Variants in CDH3 observed in about 807,000 individuals in gnomAD.
CDH3 encodes cadherin-3.
CDH3 carries 54 observed loss-of-function variants against 82.0 expected under a neutral mutation model. The observed-to-expected ratio is 0.66, with a 90% confidence interval of 0.53 to 0.83. CDH3 has a LOEUF of 0.83. Ranked by LOEUF, CDH3 falls within the 40% of genes least tolerant of loss-of-function variation. The probability of loss-of-function intolerance (pLI) is 0.00; values close to 1 mark genes in which losing one functional copy is unlikely to be tolerated. For missense variants in CDH3, 1,054 were observed against 1,084.6 expected (o/e 0.97, Z 0.40); for synonymous variants, 446 against 437.9 (o/e 1.02, Z -0.23).
At chr16:68,657,548 C>T (rs1960440393) in intron 2 of CDH3, among the ~76,000 whole-genome samples, 1 of 152,128 alleles carries the variant, frequency 6.6e-6, no homozygotes, top group Admixed American at 6.5e-5. Flanking sequence ...CCCTCGACCC[C>T]ATCTTTGAAC....
intron 6 of CDH3, 25 bp from the exon 7 acceptor site, chr16:68,679,774 A>AAAG: frequency 6.4e-7 from 1 of 1,570,474 alleles, no homozygotes; most frequent in South Asian, 1.1e-5. Context: ...ACTGGGAGGA[A>AAAG]AAGATACTCA....
At chr16:68,656,368 T>A (rs1429543148) in intron 2 of CDH3, among the ~76,000 whole-genome samples, 1 of 152,144 alleles carries the variant, frequency 6.6e-6, no homozygotes, top group Non-Finnish European at 1.5e-5. Flanking sequence ...CAGTTGCCTT[T>A]TTCTCATTTC....
At position 68,695,369 on chromosome 16, in the gene CDH3, G is replaced by C; in HGVS notation, c.2117G>C (p.Gly706Ala). The stretch of plus-strand genomic sequence containing the variant: ...GTCTTCTACTATGGCGAAGAGGGGG[G>C]TGGCGAAGAGGACCAGGTGGGGCAC... ...DNVFYYGEEG[G>A]GEEDQDYDIT... is the part of the protein sequence containing the mutation. Residue 706 changes from glycine (G) to alanine (A), a missense_variant, in exon 14 of 16, where the codon GGT (glycine) becomes GCT (alanine). Physicochemically the swap from Gly to Ala is moderately conservative, Grantham distance 60. Transcript: ENST00000264012. The C allele has an allele frequency of 1.9e-6, 3 of 1,612,424 alleles. No individual in the cohort carries two copies. The highest frequency in any genetic ancestry group is 2.5e-6 in the Non-Finnish European group (3 of 1,179,330).
chr16:68,715,021 A>G (rs928745322), intron 1 of CDH3, among the ~76,000 whole-genome samples: 1 of 151,794 alleles, frequency 6.6e-6, no homozygotes, highest in Non-Finnish European at 1.5e-5. Flanking sequence ...AATAAAAAGT[A>G]TCAGGACAAC....
intron 2 of CDH3, among the ~76,000 whole-genome samples, chr16:68,653,217 T>C (rs1231456427): frequency 6.6e-6 from 1 of 151,678 alleles, no homozygotes; most frequent in East Asian, 1.9e-4. Flanking sequence ...TTTTTATTTT[T>C]TAATTTTTCA....
chr16:68,718,248 C>G (rs1268166335), intron 1 of CDH3, among the ~76,000 whole-genome samples: 2 of 152,186 alleles, frequency 1.3e-5, no homozygotes, highest in Non-Finnish European at 2.9e-5. Context: ...AAGTGATCCT[C>G]CCACCTCAGC....
intron 12 of CDH3, among the ~76,000 whole-genome samples, chr16:68,689,096 A>G (rs1361634387): frequency 6.6e-6 from 1 of 152,236 alleles, no homozygotes. Context: ...TGTCAGGGAA[A>G]TTAATCTAGA....
chr16:68,661,176 C>A (rs1960564881), intron 2 of CDH3, among the ~76,000 whole-genome samples: 1 of 152,094 alleles, frequency 6.6e-6, no homozygotes, highest in Non-Finnish European at 1.5e-5. Context: ...ACATAAAAAG[C>A]AAAACTAATA....
chr16:68,681,558 A>T (rs1300120583), intron 8 of CDH3, among the ~76,000 whole-genome samples: 2 of 152,328 alleles, frequency 1.3e-5, no homozygotes, highest in Middle Eastern at 3.4e-3. Flanking sequence ...TAATGACGCC[A>T]GGGGCGGTGG....
intron 2 of CDH3, among the ~76,000 whole-genome samples, chr16:68,672,672 C>T (rs1960918740): frequency 6.6e-6 from 1 of 152,192 alleles, no homozygotes; most frequent in South Asian, 2.1e-4. Context: ...CCCAGCACTC[C>T]TCGGCGGGGA....
chr16:68,690,850 T>C (rs996324896), intron 12 of CDH3, among the ~76,000 whole-genome samples: 24 of 151,648 alleles, frequency 1.6e-4, no homozygotes, highest in Non-Finnish European at 3.4e-4. Context: ...GAGGTTGCAG[T>C]GAGCTGAGAT....
At chr16:68,649,305 A>G (rs1567434867) in intron 2 of CDH3, among the ~76,000 whole-genome samples, 1 of 152,234 alleles carries the variant, frequency 6.6e-6, no homozygotes, top group Non-Finnish European at 1.5e-5. Flanking sequence ...TTCCAAGTTC[A>G]ATAATGCATC....
At chr16:68,678,471 T>C (rs1464874575) in intron 4 of CDH3, 30 bp from the exon 5 acceptor site, 1 of 1,614,050 alleles carries the variant, frequency 6.2e-7, no homozygotes, top group Non-Finnish European at 8.5e-7. Flanking sequence ...ATTTGTTACT[T>C]TGTCAGCTGC....
At chr16:68,675,113 CAAAAAATA>C (rs1316071754) in intron 2 of CDH3, among the ~76,000 whole-genome samples, 1 of 149,274 alleles carries the variant, frequency 6.7e-6, no homozygotes, top group Non-Finnish European at 1.5e-5. Context: ...ACTCTGTTTC[CAAAAAATA>C]AAAAAAGTAA....
intron 1 of CDH3, among the ~76,000 whole-genome samples, chr16:68,706,224 G>C (rs536550106): frequency 2.6e-5 from 4 of 152,224 alleles, no homozygotes; most frequent in Admixed American, 2.6e-4. Flanking sequence ...CACAGTGATT[G>C]GGAGAGCCAG....
chr16:68,687,657 G>T lies in CDH3; in HGVS notation c.1716G>T (p.Leu572=). 1 of 1,614,090 alleles carries T rather than the reference G, an allele frequency of 6.2e-7. No individual in the cohort carries two copies. Among genetic ancestry groups the T allele is most frequent in the Non-Finnish European group, 8.5e-7 (1 of 1,180,022 alleles). Residue 572 remains leucine (L), a synonymous_variant, in exon 12 of 16, where the codon CTG becomes CTT. Transcript: ENST00000264012. The part of the protein sequence containing the change: ...RQVLNITDKD[L]SPHTSPFQAQ... Reference sequence around the variant, plus strand: ...TGCTGAACATCACGGACAAGGACCTGTCTCCCCACACCTCCCCTTTCCAGG... The same window carrying T: ...TGCTGAACATCACGGACAAGGACCTTTCTCCCCACACCTCCCCTTTCCAGG...
rs1247357361 is a variant in CDH3 at position 68,698,952 on chromosome 16, A to G, written c.*552A>G. On this transcript the variant is annotated 3_prime_UTR_variant, in exon 16 of 16. Coordinates refer to ENST00000264012, the MANE Select transcript of CDH3 (RefSeq NM_001793.6). ...GTGCCTAGGTTGCCCCTTATTTTTT[A>G]TTTTCCCTGTTGCGTTGCTATAGAT... 6.5e-6 allele frequency: 1 copy of G among 154,438 alleles called. No homozygotes were observed. The highest frequency in any genetic ancestry group is 1.4e-5 in the Non-Finnish European group (1 of 69,878). The allele number at this position is 154,438 out of a possible 1,614,324, so 9.6% of individuals were successfully genotyped here.
chr16:68,711,306 G>A (rs1300000285), intron 1 of CDH3, among the ~76,000 whole-genome samples: 1 of 151,444 alleles, frequency 6.6e-6, no homozygotes, highest in Non-Finnish European at 1.5e-5. Context: ...TGAAACTCCA[G>A]CAGAGAGAGA....
At chr16:68,682,220 G>A (rs1432221705) in intron 8 of CDH3, 82 bp from the exon 9 acceptor site, 11 of 1,471,166 alleles carry the variant, frequency 7.5e-6, no homozygotes, top group Non-Finnish European at 1.0e-5. Context: ...GGGATCCCCT[G>A]AGGTTGGATG....
Sources: allele counts gnomAD v4.1 joint callset (sites outside exome capture counted in the v4.1 genomes callset), GRCh38; gene constraint gnomAD v4.1.1; transcripts MANE v1.5; gene names NCBI Gene and HGNC (gene_info 2026-07-23, HGNC 2026-07-21).